Variants in ANK3 observed in about 807,000 individuals in gnomAD.
ANK3 encodes the protein ankyrin-3.
In ANK3, 57 loss-of-function variants were observed where a neutral mutation model predicts 370.9. That is an observed-to-expected ratio of 0.15 (90% CI 0.12 to 0.19). ANK3 has a LOEUF of 0.19. Among genes scored for constraint, ANK3 ranks in the 10% least tolerant of loss-of-function variants. The pLI is 1.00. For missense variants in ANK3, 4,439 were observed against 5,302.1 expected, an observed-to-expected ratio of 0.84 and a Z score of 5.06; for synonymous variants, 1,929 against 1,946.3, an observed-to-expected ratio of 0.99 and a Z score of 0.23.
intron 28 of ANK3, 144 bp from the exon 29 acceptor site, chr10:60,088,502 C>T (rs1326222391): frequency 1.4e-6 from 1 of 719,848 alleles, no homozygotes; most frequent in Non-Finnish European, 2.3e-6. Flanking sequence ...CTTGGCTCAC[C>T]ACAACCTCAG....
chr10:60,612,551 G>A (rs1416113107), intron 2 of ANK3, among the ~76,000 whole-genome samples: 2 of 152,082 alleles, frequency 1.3e-5, no homozygotes, highest in South Asian at 2.1e-4. Context: ...GAGTGCAGTG[G>A]CGCGATCTCG....
At chr10:60,591,473 T>C (rs1423978813) in intron 2 of ANK3, among the ~76,000 whole-genome samples, 1 of 152,076 alleles carries the variant, frequency 6.6e-6, no homozygotes. Flanking sequence ...ATTTTTCTGC[T>C]AAAGTTAGCC....
In ANK3 at chr10:60,193,912, C is replaced by T. The variant is rs114693055; in HGVS notation, c.1887+2233G>A. ...AAGGTAGGAGGATCACTTGAGGTTG[C>T]GAGTTTGAGACTAACCTGGCCAACA... On this transcript the variant is annotated intron_variant, in intron 16 of 43. Coordinates refer to ENST00000280772, the MANE Select transcript of ANK3 (RefSeq NM_020987.5). Among the ~76,000 whole-genome samples, 41 of 152,126 alleles carry T rather than the reference C, an allele frequency of 2.7e-4. 1 individual carries two copies. Among genetic ancestry groups the T allele is most frequent in the African/African-American group, 9.2e-4 (38 of 41,510 alleles).
At chr10:60,429,944 G>A (rs1326110449) in intron 2 of ANK3, among the ~76,000 whole-genome samples, 1 of 152,116 alleles carries the variant, frequency 6.6e-6, no homozygotes, top group Non-Finnish European at 1.5e-5. Flanking sequence ...AAAAAAGGAA[G>A]GTTTGGAAAT....
At chr10:60,046,061 T>C (rs1078534) in intron 42 of ANK3, among the ~76,000 whole-genome samples, 27,637 of 152,168 alleles carry the variant, frequency 0.18, 2,630 homozygotes, top group Non-Finnish European at 0.19. Flanking sequence ...TGCTTGATCT[T>C]GTTTAGTGCA....
At chr10:60,286,938 T>C (rs56228657) in intron 1 of ANK3, among the ~76,000 whole-genome samples, 52,989 of 152,034 alleles carry the variant, frequency 0.35, 9,682 homozygotes, top group East Asian at 0.48. Context: ...GGTATAGATA[T>C]GAGGGATTCC....
chr10:60,458,349 G>T (rs1363444079), intron 2 of ANK3, among the ~76,000 whole-genome samples: 1 of 152,124 alleles, frequency 6.6e-6, no homozygotes, highest in Admixed American at 6.6e-5. Context: ...TTACAGGAAG[G>T]TACATTCCAA....
intron 1 of ANK3, among the ~76,000 whole-genome samples, chr10:60,700,006 ATGT>A (rs1382734080): frequency 6.6e-6 from 1 of 152,146 alleles, no homozygotes; most frequent in Non-Finnish European, 1.5e-5. Context: ...GCTCATATAA[ATGT>A]TGTTATCAAC....
At chr10:60,364,015 C>T (rs1277007863) in intron 1 of ANK3, among the ~76,000 whole-genome samples, 12 of 148,766 alleles carry the variant, frequency 8.1e-5, no homozygotes, top group South Asian at 2.1e-4. Flanking sequence ...GAAAACAGGC[C>T]GGGCTCAGTG....
intron 4 of ANK3, among the ~76,000 whole-genome samples, chr10:60,273,997 T>A (rs965366381): frequency 7.9e-5 from 12 of 152,182 alleles, no homozygotes; most frequent in African/African-American, 2.9e-4. Context: ...CTAATACAGA[T>A]AGGGTCTTGC....
At chr10:60,474,903 T>C (rs922438643) in intron 2 of ANK3, among the ~76,000 whole-genome samples, 1 of 152,192 alleles carries the variant, frequency 6.6e-6, no homozygotes, top group South Asian at 2.1e-4. Flanking sequence ...TTCTTCATTA[T>C]GCTTTTCTGC....
chr10:60,558,508 A>G (rs1055918507), intron 2 of ANK3, among the ~76,000 whole-genome samples: 1 of 152,204 alleles, frequency 6.6e-6, no homozygotes, highest in Non-Finnish European at 1.5e-5. Context: ...CAACTAACCA[A>G]GACTTTGAAC....
At chr10:60,468,953 G>A (rs1459728988) in intron 2 of ANK3, among the ~76,000 whole-genome samples, 1 of 117,052 alleles carries the variant, frequency 8.5e-6, no homozygotes, top group East Asian at 2.3e-4. Flanking sequence ...ATGTATATAT[G>A]AGAAGTATAT....
rs531482431 is a variant in ANK3, at chr10:60,363,194, T to G, written c.114+26231A>C. ...CATCTGCTTTTTTTGATAAAGGCAC[T>G]GAATAGCTGGCCCTGTCGTTCACTT... On this transcript the variant is annotated intron_variant, in intron 1 of 43. Coordinates refer to ENST00000280772, the MANE Select transcript of ANK3 (RefSeq NM_020987.5). Among the ~76,000 whole-genome samples, 4 of 152,258 alleles carry G rather than the reference T, an allele frequency of 2.6e-5. No individual in the cohort carries two copies. The South Asian group carries it at 6.2e-4, about 24-fold the overall frequency.
chr10:60,328,007 A>G (rs1180844379), intron 1 of ANK3, among the ~76,000 whole-genome samples: 1 of 152,176 alleles, frequency 6.6e-6, no homozygotes, highest in Non-Finnish European at 1.5e-5. Flanking sequence ...CATCAATTAA[A>G]TAAACTCTTT....
At chr10:60,726,876 T>G (rs1436246864) in intron 1 of ANK3, among the ~76,000 whole-genome samples, 1 of 152,172 alleles carries the variant, frequency 6.6e-6, no homozygotes, top group Non-Finnish European at 1.5e-5. Context: ...TTGTAAAGTC[T>G]TATTTAACAT....
chr10:60,696,198 C>A (rs1468217989), intron 1 of ANK3, among the ~76,000 whole-genome samples: 1 of 150,036 alleles, frequency 6.7e-6, no homozygotes, highest in Non-Finnish European at 1.5e-5. Context: ...CAAGACTAAA[C>A]CAGGAAGAAG....
At chr10:60,525,762 T>C (rs1463718096) in intron 2 of ANK3, among the ~76,000 whole-genome samples, 48 of 152,144 alleles carry the variant, frequency 3.2e-4, no homozygotes, top group Non-Finnish European at 1.5e-4. Flanking sequence ...GGGAATAGAA[T>C]GCCCACATTA....
At chr10:60,555,996 T>C (rs1039449693) in intron 2 of ANK3, among the ~76,000 whole-genome samples, 1 of 152,234 alleles carries the variant, frequency 6.6e-6, no homozygotes, top group African/African-American at 2.4e-5. Flanking sequence ...ATAGCTCACC[T>C]GGTACTGCCC....
Sources: gnomAD v4.1 joint callset for allele counts (sites outside exome capture counted in the v4.1 genomes callset) on GRCh38, gnomAD v4.1.1 for gene constraint, MANE v1.5 for transcripts, NCBI Gene and HGNC (gene_info 2026-07-23, HGNC 2026-07-21) for gene names.